Variants in CLPB observed in about 807,000 individuals in gnomAD.
CLPB encodes the protein mitochondrial disaggregase.
CLPB carries 40 observed loss-of-function variants against 78.4 expected under a neutral mutation model. That is an observed-to-expected ratio of 0.51 (90% CI 0.40 to 0.66). The LOEUF (loss-of-function observed/expected upper bound fraction) is 0.66, where lower values mean the gene tolerates loss of function less well. CLPB is among the 30% of genes least tolerant of loss of function. CLPB has a pLI of 0.00. For missense variants in CLPB, 780 were observed against 886.9 expected (o/e 0.88, Z 1.53); for synonymous variants, 333 against 348.0 (o/e 0.96, Z 0.48).
intron 2 of CLPB, among the ~76,000 whole-genome samples, chr11:72,404,319 G>T (rs749235638): frequency 2.0e-5 from 3 of 152,182 alleles, no homozygotes; most frequent in Non-Finnish European, 2.9e-5. Context: ...TTTTTCAGTG[G>T]GTTCTAGCCA....
chr11:72,333,311 G>C (rs566009870), intron 5 of CLPB, among the ~76,000 whole-genome samples: 14 of 152,314 alleles, frequency 9.2e-5, no homozygotes, highest in African/African-American at 3.1e-4. Flanking sequence ...CAAGTCCTTA[G>C]AGGCTCAGCC....
intron 2 of CLPB, among the ~76,000 whole-genome samples, chr11:72,419,367 C>T (rs1295662378): frequency 6.6e-6 from 1 of 152,228 alleles, no homozygotes; most frequent in Admixed American, 6.5e-5. Flanking sequence ...CCTACACTGC[C>T]TCAAGAGGCA....
At chr11:72,344,703 C>T (rs1251356280) in intron 5 of CLPB, among the ~76,000 whole-genome samples, 1 of 152,122 alleles carries the variant, frequency 6.6e-6, no homozygotes, top group Admixed American at 6.5e-5. Flanking sequence ...GGTTCTCACT[C>T]CTGGCTATAT....
intron 3 of CLPB, among the ~76,000 whole-genome samples, chr11:72,393,714 C>G (rs137859682): frequency 3.3e-5 from 5 of 152,320 alleles, no homozygotes; most frequent in African/African-American, 1.2e-4. Context: ...TGATGTTGCA[C>G]AGCAGACAAC....
chr11:72,434,340 C>G lies in CLPB; in HGVS notation c.135G>C (p.Pro45=). The change falls in exon 1 of 16, where the codon CCG becomes CCC. Residue 45 remains proline (P), a synonymous_variant. Transcript: ENST00000538039. ...RNVTTGSLGE[P]QWLRVATGGR... ...CCCCGGTGGCTACCCTCAGCCACTG[C>G]GGCTCCCCGAGACTCCCAGTAGTCA... 1.9e-6 allele frequency: 3 copies of G among 1,611,822 alleles called. No homozygotes were observed. In the South Asian group the frequency reaches 3.3e-5, roughly 18 times the overall value.
intron 5 of CLPB, among the ~76,000 whole-genome samples, chr11:72,342,783 C>T (rs890296252): frequency 3.9e-5 from 6 of 152,200 alleles, no homozygotes; most frequent in East Asian, 1.9e-4. Context: ...ACACTGTTAA[C>T]GTCTGGGGCA....
chr11:72,295,485 G>T lies in CLPB; in HGVS notation c.1486+7C>A. 1.2e-6 allele frequency: 2 copies of T among 1,613,442 alleles called. No homozygotes were observed. The highest frequency in any genetic ancestry group is 1.7e-6 in the Non-Finnish European group (2 of 1,179,502). ...CTGGACCAGACTGCTCAGGTCAGCC[G>T]CCATACCCAGGTTTTCGGCAATACG... On this transcript the variant is annotated splice_region_variant and intron_variant, in intron 12 of 15. Coordinates refer to ENST00000538039, the MANE Select transcript of CLPB (RefSeq NM_001258392.3).
chr11:72,425,893 G>A (rs1199585242), intron 2 of CLPB, among the ~76,000 whole-genome samples: 1 of 152,092 alleles, frequency 6.6e-6, no homozygotes, highest in African/African-American at 2.4e-5. Context: ...AGATCCTCCA[G>A]GCTGTTTGTC....
intron 7 of CLPB, among the ~76,000 whole-genome samples, chr11:72,310,511 A>G (rs771639044): frequency 2.6e-5 from 4 of 152,202 alleles, no homozygotes; most frequent in African/African-American, 9.7e-5. Context: ...CTGGTGTCCA[A>G]CAGAAACAGG....
intron 14 of CLPB, 99 bp downstream of exon 14, chr11:72,294,226 T>G: frequency 3.7e-6 from 6 of 1,606,954 alleles, no homozygotes; most frequent in Non-Finnish European, 5.1e-6. Flanking sequence ...CACACCACTG[T>G]GCTCCACCTT....
intron 5 of CLPB, among the ~76,000 whole-genome samples, chr11:72,337,383 T>A (rs118035386): frequency 6.6e-6 from 1 of 152,228 alleles, no homozygotes; most frequent in Non-Finnish European, 1.5e-5. Flanking sequence ...TTTAACAATT[T>A]GGTGAAGACA....
chr11:72,397,018 A>C lies in CLPB; in HGVS notation c.542+5948T>G, dbSNP rs12285652. Among the ~76,000 whole-genome samples the C allele has an allele frequency of 2.3e-3, 347 of 152,378 alleles. 2 individuals carry two copies. The highest frequency in any genetic ancestry group is 7.7e-3 in the African/African-American group (320 of 41,580). On this transcript the variant is annotated intron_variant, in intron 3 of 15. Transcript: ENST00000538039. ...TATACATTCATGTAACCAGCATGAT[A>C]ATCAGGATACAGAATATTTCTCCAT... is the stretch of plus-strand genomic sequence containing the variant.
chr11:72,324,822 T>G (rs986592674), intron 6 of CLPB, among the ~76,000 whole-genome samples: 1 of 152,140 alleles, frequency 6.6e-6, no homozygotes, highest in African/African-American at 2.4e-5. Context: ...AGGGCTGCAC[T>G]CAGCTCTGAG....
chr11:72,407,732 C>T (rs1003485636), intron 2 of CLPB, among the ~76,000 whole-genome samples: 10 of 151,836 alleles, frequency 6.6e-5, no homozygotes, highest in East Asian at 1.9e-4. Flanking sequence ...CTGCAAGCTC[C>T]GCCTCCCGAG....
chr11:72,412,494 T>C (rs1855907837), intron 2 of CLPB, among the ~76,000 whole-genome samples: 1 of 152,230 alleles, frequency 6.6e-6, no homozygotes, highest in South Asian at 2.1e-4. Flanking sequence ...CTGCAGAGAT[T>C]AATCAGTCCA....
chr11:72,310,650 GTTC>G (rs1017616465), intron 7 of CLPB, among the ~76,000 whole-genome samples: 11 of 152,226 alleles, frequency 7.2e-5, no homozygotes, highest in African/African-American at 2.4e-4. Flanking sequence ...AAGGAGCCGT[GTTC>G]TTCTAAAAGT....
chr11:72,396,397 C>T (rs970225820), intron 3 of CLPB, among the ~76,000 whole-genome samples: 1 of 152,168 alleles, frequency 6.6e-6, no homozygotes, highest in African/African-American at 2.4e-5. Context: ...AAAGCCACCA[C>T]CAAGCCCAAG....
chr11:72,418,520 C>A (rs917136182), intron 2 of CLPB, among the ~76,000 whole-genome samples: 3 of 152,322 alleles, frequency 2.0e-5, no homozygotes, highest in Admixed American at 2.0e-4. Context: ...CTTGTTTTGT[C>A]AGACTCCAAA....
At chr11:72,294,838 A>C (rs1238550018) in intron 12 of CLPB, 145 bp from the exon 13 acceptor site, 3 of 704,186 alleles carry the variant, frequency 4.3e-6, no homozygotes, top group Non-Finnish European at 7.4e-6. Context: ...TCTGGGCTTC[A>C]GCCTGGTCTC....
Sources: allele counts gnomAD v4.1 joint callset (sites outside exome capture counted in the v4.1 genomes callset), GRCh38; gene constraint gnomAD v4.1.1; transcripts MANE v1.5; gene names NCBI Gene and HGNC (gene_info 2026-07-23, HGNC 2026-07-21).